Variants in RAD54L2 observed in about 807,000 individuals in gnomAD.
RAD54L2 encodes the protein RAD54 like 2.
Under a neutral mutation model 138.4 loss-of-function variants are expected in RAD54L2, and 27 were observed. The observed-to-expected ratio is 0.20, with a 90% CI of 0.14 to 0.27. RAD54L2 has a LOEUF of 0.27. Among genes scored for constraint, RAD54L2 ranks in the 10% least tolerant of loss-of-function variants. RAD54L2 has a pLI of 1.00. For synonymous variants in RAD54L2, 644 were observed against 723.2 expected, an observed-to-expected ratio of 0.89 and a Z score of 1.76; for missense variants, 1,396 against 1,890.2, an observed-to-expected ratio of 0.74 and a Z score of 4.85.
intron 2 of RAD54L2, among the ~76,000 whole-genome samples, chr3:51,545,050 A>G (rs368923239): frequency 3.3e-5 from 5 of 152,346 alleles, no homozygotes; most frequent in East Asian, 3.9e-4. Context: ...TTCAGTGACT[A>G]TAAAATTATC....
chr3:51,544,215 A>G (rs2108684224), intron 2 of RAD54L2, among the ~76,000 whole-genome samples: 1 of 152,266 alleles, frequency 6.6e-6, no homozygotes, highest in East Asian at 1.9e-4. Context: ...ACCTTTGCTT[A>G]TGAAATAACA....
intron 10 of RAD54L2, among the ~76,000 whole-genome samples, chr3:51,636,831 G>A (rs898101948): frequency 2.0e-5 from 3 of 152,188 alleles, no homozygotes; most frequent in Non-Finnish European, 4.4e-5. Context: ...TACTTGGGAG[G>A]CTGAGGCAGG....
In RAD54L2 at chr3:51,666,174, C is replaced by CTTTTTTGTT. The variant is rs1701906540; in HGVS notation, c.*2760_*2761insGTTTTTTTT. The CTTTTTTGTT allele has an allele frequency of 1.7e-5, 1 of 58,704 alleles. No homozygotes were observed. Among genetic ancestry groups the CTTTTTTGTT allele is most frequent in the Non-Finnish European group, 2.8e-5 (1 of 36,318 alleles). The allele number at this position is 58,704 out of a possible 1,614,324, so 3.6% of individuals were successfully genotyped here. A position where few individuals can be genotyped will look rare whatever the true frequency, so the allele number is the denominator to read the frequency against. ...AGTGCTACCAGGTCCATGGTTTTTG[C>CTTTTTTGTT]TTTTTTTTTTTTTTTTTTTTTTTTT... On this transcript the variant is annotated 3_prime_UTR_variant, in exon 23 of 23. Coordinates refer to ENST00000684192, the MANE Select transcript of RAD54L2 (RefSeq NM_015106.4).
chr3:51,638,346 T>C lies in RAD54L2; in HGVS notation c.1860+25T>C. ...GGTGCATTGGGGCCTCAGGGAAGAT[T>C]GAGATGGGGACTAAGGATACACATG... On this transcript the variant is annotated intron_variant, in intron 12 of 22. Coordinates refer to ENST00000684192, the MANE Select transcript of RAD54L2 (RefSeq NM_015106.4). The surrounding 1 kb of genome is among the most constrained non-coding windows in gnomAD (Gnocchi z 4.3). The C allele has an allele frequency of 6.2e-7, 1 of 1,612,096 alleles. No homozygotes were observed. Among genetic ancestry groups the C allele is most frequent in the East Asian group, 2.2e-5 (1 of 44,850 alleles).
intron 2 of RAD54L2, among the ~76,000 whole-genome samples, chr3:51,542,753 G>T (rs1307400530): frequency 6.6e-6 from 1 of 152,128 alleles, no homozygotes; most frequent in African/African-American, 2.4e-5. Flanking sequence ...GTGAGCCACC[G>T]CGCCTGGCCA....
At position 51,663,648 on chromosome 3, in the gene RAD54L2, A is replaced by G; in HGVS notation, c.*228A>G. ...AACACAGCAGCAATAGCGGGAAATC[A>G]GGGACCCAAAACAGGGATGGAGGGG... On this transcript the variant is annotated 3_prime_UTR_variant, in exon 23 of 23. Transcript: ENST00000684192. 1 of 514,916 alleles carries G rather than the reference A, an allele frequency of 1.9e-6. No homozygotes were observed. The highest frequency in any genetic ancestry group is 3.4e-6 in the Non-Finnish European group (1 of 297,944). 31.9% of individuals were successfully genotyped at this position (514,916 alleles called of 1,614,324 possible).
chr3:51,579,204 C>T (rs562367183), intron 2 of RAD54L2, among the ~76,000 whole-genome samples: 5 of 150,590 alleles, frequency 3.3e-5, no homozygotes, highest in Non-Finnish European at 7.4e-5. Context: ...ACGGTGTCGC[C>T]CAGACTGCAG....
rs192574070 is a variant in RAD54L2, at chr3:51,666,934, G to A, written c.*3514G>A. 1 of 152,308 alleles carries A rather than the reference G, an allele frequency of 6.6e-6. No homozygotes were observed. The highest frequency in any genetic ancestry group is 1.9e-4 in the East Asian group (1 of 5,174). 9.4% of individuals were successfully genotyped at this position (152,308 alleles called of 1,614,324 possible). A position where few individuals can be genotyped will look rare whatever the true frequency, so the allele number is the denominator to read the frequency against. The stretch of plus-strand genomic sequence containing the variant: ...ATGAAATTTCTCAATTCAGGAGCAG[G>A]AAGCAAAGTGCTGGGGTACAGTTTT... On this transcript the variant is annotated 3_prime_UTR_variant, in exon 23 of 23. Coordinates refer to ENST00000684192, the MANE Select transcript of RAD54L2 (RefSeq NM_015106.4).
intron 3 of RAD54L2, among the ~76,000 whole-genome samples, chr3:51,612,492 A>G (rs1459545774): frequency 6.6e-6 from 1 of 152,112 alleles, no homozygotes; most frequent in Non-Finnish European, 1.5e-5. Context: ...AAACAAACAA[A>G]AAAGAATCAG....
At chr3:51,542,566 C>T (rs1698580724) in intron 2 of RAD54L2, among the ~76,000 whole-genome samples, 1 of 152,118 alleles carries the variant, frequency 6.6e-6, no homozygotes, top group Non-Finnish European at 1.5e-5. Context: ...CCGCCTCAGC[C>T]TCCCTGGGAT....
rs1701950043 is a variant in RAD54L2 at position 51,668,090 on chromosome 3, T to A, written c.*4670T>A. 1 of 152,948 alleles carries A rather than the reference T, an allele frequency of 6.5e-6. No homozygotes were observed. Among genetic ancestry groups the A allele is most frequent in the Non-Finnish European group, 1.5e-5 (1 of 68,674 alleles). 9.5% of individuals were successfully genotyped at this position (152,948 alleles called of 1,614,324 possible). A position where few individuals can be genotyped will look rare whatever the true frequency, so the allele number is the denominator to read the frequency against. On this transcript the variant is annotated 3_prime_UTR_variant, in exon 23 of 23. Coordinates refer to ENST00000684192, the MANE Select transcript of RAD54L2 (RefSeq NM_015106.4). ...CTGTGTGTGTGTGTGTGTGTGAGTG[T>A]GTGTGTGTGTGTTTGTGTGCTGTGC...
At chr3:51,634,086 C>A (rs76085189) in intron 9 of RAD54L2, 51 bp downstream of exon 9, 3 of 1,584,638 alleles carry the variant, frequency 1.9e-6, no homozygotes, top group Non-Finnish European at 2.6e-6. Context: ...GACTTCTGTC[C>A]GTGATCTGAT....
chr3:51,593,574 C>G (rs950512906), intron 3 of RAD54L2, among the ~76,000 whole-genome samples: 28 of 152,180 alleles, frequency 1.8e-4, no homozygotes, highest in African/African-American at 6.5e-4. Context: ...CGTCGTGATC[C>G]GTCCGTCTCG....
intron 2 of RAD54L2, among the ~76,000 whole-genome samples, chr3:51,572,983 A>G (rs1699373153): frequency 6.6e-6 from 1 of 152,030 alleles, no homozygotes; most frequent in Non-Finnish European, 1.5e-5. Context: ...CAATGCTAAG[A>G]TATGTGTGTG....
At chr3:51,599,375 GGGATA>G (rs1373833685) in intron 3 of RAD54L2, among the ~76,000 whole-genome samples, 6 of 152,076 alleles carry the variant, frequency 3.9e-5, no homozygotes, top group Non-Finnish European at 8.8e-5. Context: ...TGCTTTTCTA[GGGATA>G]GGATTAGGGG....
chr3:51,604,266 G>C (rs1446680742), intron 3 of RAD54L2, among the ~76,000 whole-genome samples: 1 of 152,126 alleles, frequency 6.6e-6, no homozygotes, highest in African/African-American at 2.4e-5. Context: ...GGAATCCATC[G>C]TTTAGGTTTG....
chr3:51,643,120 C>T (rs1202835788), intron 15 of RAD54L2, among the ~76,000 whole-genome samples: 1 of 150,418 alleles, frequency 6.6e-6, no homozygotes, highest in African/African-American at 2.5e-5. Flanking sequence ...ACTGCAGCCT[C>T]CGTCTCCCAG....
At chr3:51,622,119 C>G (rs1452468555) in intron 3 of RAD54L2, among the ~76,000 whole-genome samples, 1 of 152,188 alleles carries the variant, frequency 6.6e-6, no homozygotes, top group African/African-American at 2.4e-5. Flanking sequence ...TTGCTCAAAT[C>G]TGATGTTTCA....
intron 2 of RAD54L2, among the ~76,000 whole-genome samples, chr3:51,551,188 A>G (rs906671246): frequency 6.6e-6 from 1 of 151,912 alleles, no homozygotes; most frequent in African/African-American, 2.4e-5. Flanking sequence ...GCTGGAATGC[A>G]GTGGCATGAT....
Sources: allele counts gnomAD v4.1 joint callset (sites outside exome capture counted in the v4.1 genomes callset), GRCh38; gene constraint gnomAD v4.1.1; non-coding constraint Gnocchi (gnomAD v3.1); transcripts MANE v1.5; gene names NCBI Gene and HGNC (gene_info 2026-07-23, HGNC 2026-07-21).